Variants in MAML3 observed in about 807,000 individuals in gnomAD.
MAML3 encodes the protein mastermind like transcriptional coactivator 3.
A neutral mutation model predicts 101.9 loss-of-function variants in MAML3; 27 were observed. That is an observed-to-expected ratio of 0.27 (90% CI 0.20 to 0.37). The LOEUF (loss-of-function observed/expected upper bound fraction) is 0.37. Among genes scored for constraint, MAML3 ranks in the 10% least tolerant of loss-of-function variants. The probability of loss-of-function intolerance (pLI) is 1.00; values close to 1 mark genes in which losing one functional copy is unlikely to be tolerated. For missense variants in MAML3, 1,316 were observed against 1,444.9 expected (o/e 0.91, Z 1.45); for synonymous variants, 501 against 555.9 (o/e 0.90, Z 1.39).
At chr4:139,734,393 C>T (rs548563383) in intron 2 of MAML3, among the ~76,000 whole-genome samples, 2 of 152,280 alleles carry the variant, frequency 1.3e-5, no homozygotes, top group African/African-American at 2.4e-5. Flanking sequence ...TTCTCCAATC[C>T]ACTCCTTGCC....
intron 1 of MAML3, among the ~76,000 whole-genome samples, chr4:139,907,488 T>C (rs1201649011): frequency 6.6e-6 from 1 of 152,214 alleles, no homozygotes; most frequent in Non-Finnish European, 1.5e-5. Flanking sequence ...CAAGGTTTCT[T>C]GACTTTGGTA....
intron 2 of MAML3, among the ~76,000 whole-genome samples, chr4:139,756,651 C>T (rs536313108): frequency 1.3e-5 from 2 of 152,294 alleles, no homozygotes; most frequent in African/African-American, 4.8e-5. Context: ...AGGCTCCTAC[C>T]AGCATGGACA....
intron 1 of MAML3, among the ~76,000 whole-genome samples, chr4:140,114,949 A>C (rs1728492758): frequency 6.6e-6 from 1 of 152,230 alleles, no homozygotes; most frequent in African/African-American, 2.4e-5. Context: ...TTTTGCACTA[A>C]GATGTTCAAC....
chr4:140,051,545 G>A (rs1472989397), intron 1 of MAML3, among the ~76,000 whole-genome samples: 1 of 149,844 alleles, frequency 6.7e-6, no homozygotes, highest in Non-Finnish European at 1.5e-5. Flanking sequence ...TGACAGAGAT[G>A]AGACTCAGTC....
At chr4:139,758,249 G>A (rs1304570823) in intron 2 of MAML3, among the ~76,000 whole-genome samples, 2 of 152,160 alleles carry the variant, frequency 1.3e-5, no homozygotes, top group East Asian at 1.9e-4. Context: ...ATTTCCTGAG[G>A]CTCCTGTCTA....
chr4:140,094,455 G>A (rs1728117551), intron 1 of MAML3, among the ~76,000 whole-genome samples: 1 of 152,180 alleles, frequency 6.6e-6, no homozygotes, highest in African/African-American at 2.4e-5. Context: ...TGCTGCGACC[G>A]CCAACCATGG....
intron 1 of MAML3, among the ~76,000 whole-genome samples, chr4:139,945,800 A>G (rs1394311029): frequency 6.6e-6 from 1 of 152,248 alleles, no homozygotes; most frequent in South Asian, 2.1e-4. Flanking sequence ...ATGCAGTTTC[A>G]TCTACCTTTC....
intron 1 of MAML3, among the ~76,000 whole-genome samples, chr4:140,007,289 C>A (rs576247325): frequency 6.6e-6 from 1 of 152,232 alleles, no homozygotes; most frequent in African/African-American, 2.4e-5. Flanking sequence ...AAATTTATCA[C>A]CAACTGGAGG....
chr4:139,754,923 G>A (rs796985713), intron 2 of MAML3, among the ~76,000 whole-genome samples: 8 of 152,306 alleles, frequency 5.3e-5, no homozygotes, highest in African/African-American at 1.7e-4. Flanking sequence ...AAAGTCCCAG[G>A]AGCAGGCATG....
chr4:139,830,563 C>T (rs59037823), intron 2 of MAML3, among the ~76,000 whole-genome samples: 5,890 of 151,118 alleles, frequency 0.039, 398 homozygotes, highest in African/African-American at 0.14. Context: ...TACAGGTGCC[C>T]GCCACCACGC....
At position 140,057,587 on chromosome 4, in the gene MAML3, T is replaced by A. The variant is rs145501038; in HGVS notation, c.468+95273A>T. Among the ~76,000 whole-genome samples, 465 of 152,330 alleles carry A rather than the reference T, an allele frequency of 3.1e-3. 2 individuals carry two copies. Among genetic ancestry groups the A allele is most frequent in the African/African-American group, 0.011 (445 of 41,566 alleles). On this transcript the variant is annotated intron_variant, in intron 1 of 4. Transcript: ENST00000509479. ...AAATCTTTCTAAAACATTAGATATT[T>A]ATATTCCTGTATTCTTAAACAGAAA...
chr4:139,962,714 C>T (rs746625051), intron 1 of MAML3, among the ~76,000 whole-genome samples: 2 of 151,968 alleles, frequency 1.3e-5, no homozygotes, highest in African/African-American at 4.8e-5. Flanking sequence ...TTTTTAAAAA[C>T]CAAGAAAAAG....
intron 2 of MAML3, among the ~76,000 whole-genome samples, chr4:139,824,626 C>A (rs984131881): frequency 3.3e-5 from 5 of 152,158 alleles, no homozygotes; most frequent in African/African-American, 4.8e-5. Flanking sequence ...AGATGTTGAT[C>A]AAAATATTCA....
chr4:140,095,194 C>T (rs1728136711), intron 1 of MAML3, among the ~76,000 whole-genome samples: 1 of 152,200 alleles, frequency 6.6e-6, no homozygotes, highest in Admixed American at 6.5e-5. Flanking sequence ...ATTCAATTTG[C>T]CTGAATAGGA....
At chr4:139,879,598 G>A (rs1278472490) in intron 2 of MAML3, among the ~76,000 whole-genome samples, 4 of 129,142 alleles carry the variant, frequency 3.1e-5, no homozygotes, top group African/African-American at 1.2e-4. Context: ...GTGGTTGGGA[G>A]AAAATGGTCG....
chr4:140,053,698 C>T (rs956924371), intron 1 of MAML3, among the ~76,000 whole-genome samples: 1 of 152,046 alleles, frequency 6.6e-6, no homozygotes, highest in Non-Finnish European at 1.5e-5. Flanking sequence ...TTCTGAGGGC[C>T]AAAGGACAAA....
At position 140,053,389 on chromosome 4, in the gene MAML3, C is replaced by T. The variant is rs188683417; in HGVS notation, c.468+99471G>A. ...TCACATCTGGCTTTCCCATTCCCATCCGAATTAGGTAATTCTGTTTGGGAG... is the reference window on the plus strand; with the variant it reads ...TCACATCTGGCTTTCCCATTCCCATTCGAATTAGGTAATTCTGTTTGGGAG... On this transcript the variant is annotated intron_variant, in intron 1 of 4. Coordinates refer to ENST00000509479, the MANE Select transcript of MAML3 (RefSeq NM_018717.5). Among the ~76,000 whole-genome samples, 524 of 152,272 alleles carry T rather than the reference C, an allele frequency of 3.4e-3. 3 individuals carry two copies. The highest frequency in any genetic ancestry group is 0.012 in the African/African-American group (482 of 41,546).
intron 1 of MAML3, among the ~76,000 whole-genome samples, chr4:140,139,947 C>G (rs1044786736): frequency 2.6e-5 from 4 of 152,158 alleles, no homozygotes; most frequent in African/African-American, 9.7e-5. Context: ...CTCAGAGGGA[C>G]AGTAGAGTAG....
intron 2 of MAML3, among the ~76,000 whole-genome samples, chr4:139,855,231 T>C (rs1731635981): frequency 6.6e-6 from 1 of 152,234 alleles, no homozygotes; most frequent in African/African-American, 2.4e-5. Context: ...AACTTCATCC[T>C]ATGCTACGTG....
Sources: allele counts gnomAD v4.1 joint callset (sites outside exome capture counted in the v4.1 genomes callset), GRCh38; gene constraint gnomAD v4.1.1; transcripts MANE v1.5; gene names NCBI Gene and HGNC (gene_info 2026-07-23, HGNC 2026-07-21).